The following SLC1A2 variants were observed in gnomAD, a reference collection of about 807,000 sequenced individuals.
SLC1A2 encodes the protein excitatory amino acid transporter 2.
SLC1A2 carries 15 observed loss-of-function variants against 48.8 expected under a neutral mutation model. The ratio of observed to expected loss-of-function variants is 0.31; its 90% CI spans 0.21 to 0.47. SLC1A2 has a LOEUF of 0.47. Ranked by LOEUF, SLC1A2 falls within the 20% of genes least tolerant of loss-of-function variation. SLC1A2 has a pLI of 0.99. For synonymous variants in SLC1A2, 279 were observed against 272.6 expected, an observed-to-expected ratio of 1.02 and a Z score of -0.23; for missense variants, 502 against 730.5, an observed-to-expected ratio of 0.69 and a Z score of 3.61.
intron 1 of SLC1A2, among the ~76,000 whole-genome samples, chr11:35,340,620 A>G (rs1477778394): frequency 6.6e-6 from 1 of 152,224 alleles, no homozygotes; most frequent in Non-Finnish European, 1.5e-5. Flanking sequence ...ACAAAGGAAA[A>G]AGATTGTAGC....
chr11:35,319,996 T>C (rs765496776), intron 1 of SLC1A2, among the ~76,000 whole-genome samples: 1 of 152,198 alleles, frequency 6.6e-6, no homozygotes, highest in Non-Finnish European at 1.5e-5. Flanking sequence ...AAGAACTCTT[T>C]GTAAAAATTC....
chr11:35,397,665 A>T lies in SLC1A2; in HGVS notation c.17+21285T>A, dbSNP rs577539581. 2.3e-4 allele frequency among the ~76,000 whole-genome samples: 35 copies of T among 152,202 alleles called. No homozygotes were observed. In the South Asian group the frequency reaches 7.3e-3, roughly 32 times the overall value. ...TGGTATTTGGAGGTGAGTTTTTGGG[A>T]GGTGATTAGGTCAGGCAGGTGGAGC... On this transcript the variant is annotated intron_variant, in intron 1 of 10. Transcript: ENST00000278379.
At chr11:35,332,178 C>A (rs1247230501) in intron 1 of SLC1A2, among the ~76,000 whole-genome samples, 1 of 152,174 alleles carries the variant, frequency 6.6e-6, no homozygotes, top group Non-Finnish European at 1.5e-5. Flanking sequence ...TTCTAATTAC[C>A]ACAAGTGATC....
chr11:35,286,788 C>A lies in SLC1A2; in HGVS notation c.1255G>T (p.Val419Phe). The part of the protein sequence containing the change: ...AIFIAQMNGV[V>F]LDGGQIVTVS... The stretch of plus-strand genomic sequence containing the variant: ...GTCACAATCTGTCCTCCATCCAGGA[C>A]AACACCATTCATTTGGGCTATAAAG... Residue 419 changes from valine to phenylalanine, a missense_variant, in exon 8 of 11, where the codon GTC becomes TTC. This residue lies in a region of SLC1A2 where 309 missense variants were observed against 480.3 expected (regional missense o/e 0.64). Transcript: ENST00000278379. 3 of 1,613,678 alleles carry A rather than the reference C, an allele frequency of 1.9e-6. No homozygotes were observed. The highest frequency in any genetic ancestry group is 1.7e-6 in the Non-Finnish European group (2 of 1,179,726).
rs1015470124 is a variant in SLC1A2, at chr11:35,292,186, G to A, written c.1091+101C>T. The A allele has an allele frequency of 9.7e-6, 8 of 820,918 alleles. No individual in the cohort carries two copies. In the African/African-American group the frequency reaches 1.2e-4, roughly 12 times the overall value. 50.9% of individuals were successfully genotyped at this position (820,918 alleles called of 1,614,324 possible). A position where few individuals can be genotyped will look rare whatever the true frequency, so the allele number is the denominator to read the frequency against. ...AAGATCTTAGTAATGTGTGCCAAGTGTTCTTATTGAACTTTGTGATGGGAG... is the reference window on the plus strand; with the variant it reads ...AAGATCTTAGTAATGTGTGCCAAGTATTCTTATTGAACTTTGTGATGGGAG... On this transcript the variant is annotated intron_variant, in intron 7 of 10. Coordinates refer to ENST00000278379, the MANE Select transcript of SLC1A2 (RefSeq NM_004171.4).
chr11:35,311,911 AGAGAGAGAGAG>A (rs1851710645), intron 4 of SLC1A2, among the ~76,000 whole-genome samples: 1 of 13,846 alleles, frequency 7.2e-5, no homozygotes, highest in Non-Finnish European at 1.6e-4. Flanking sequence ...AGAGAGAGAG[AGAGAGAGAGAG>A]GCGGGGGGGG....
chr11:35,273,955 A>T (rs1850363007), intron 9 of SLC1A2, among the ~76,000 whole-genome samples: 1 of 152,250 alleles, frequency 6.6e-6, no homozygotes, highest in South Asian at 2.1e-4. Flanking sequence ...GAGAGCTCAG[A>T]TTACTTTACA....
At chr11:35,374,358 G>A in intron 1 of SLC1A2, 1 of 856,818 alleles carries the variant, frequency 1.2e-6, no homozygotes, top group Non-Finnish European at 1.9e-6. Flanking sequence ...AAATAGCGAT[G>A]TGTTGTTGGA....
At chr11:35,357,691 A>G (rs1226954512) in intron 1 of SLC1A2, among the ~76,000 whole-genome samples, 1 of 152,216 alleles carries the variant, frequency 6.6e-6, no homozygotes, top group African/African-American at 2.4e-5. Context: ...ATATTCTCAT[A>G]TGGCAACCTA....
intron 1 of SLC1A2, among the ~76,000 whole-genome samples, chr11:35,408,582 A>G (rs932380791): frequency 4.6e-5 from 7 of 152,232 alleles, no homozygotes; most frequent in Admixed American, 3.3e-4. Context: ...TGTAAGTCCA[A>G]TTAAACCTCT....
At chr11:35,401,103 T>A (rs940111911) in intron 1 of SLC1A2, among the ~76,000 whole-genome samples, 2 of 152,020 alleles carry the variant, frequency 1.3e-5, no homozygotes, top group African/African-American at 2.4e-5. Flanking sequence ...TAGAAGGGAG[T>A]GTCTGGGTTA....
chr11:35,387,087 T>C (rs1854606245), intron 1 of SLC1A2, among the ~76,000 whole-genome samples: 2 of 152,306 alleles, frequency 1.3e-5, no homozygotes, highest in East Asian at 3.9e-4. Flanking sequence ...ATAGACCTTC[T>C]GACTTTCCCA....
chr11:35,265,685 A>G lies in SLC1A2; in HGVS notation c.1495T>C (p.Ser499Pro). ...GAGIVYHLSK[S>P]ELDTIDSQHR... ...TGGGAGTCAATGGTATCCAGCTCAG[A>G]CTTGGAGAGGTGATAGACTATCCCA... The change falls in exon 10 of 11, where the codon TCT (serine) becomes CCT (proline). Residue 499 changes from serine to proline, a missense_variant. Physicochemically the swap from Ser to Pro is moderately conservative, Grantham distance 74. Transcript: ENST00000278379. 6.2e-7 allele frequency: 1 copy of G among 1,614,102 alleles called. No homozygotes were observed. The highest frequency in any genetic ancestry group is 8.5e-7 in the Non-Finnish European group (1 of 1,179,932).
intron 1 of SLC1A2, among the ~76,000 whole-genome samples, chr11:35,395,624 C>A (rs531438680): frequency 6.6e-6 from 1 of 151,532 alleles, no homozygotes; most frequent in Non-Finnish European, 1.5e-5. Flanking sequence ...CAGTCTTAGA[C>A]GCTAGGTGGG....
chr11:35,418,262 C>T (rs1026068221), intron 1 of SLC1A2: 2 of 152,308 alleles, frequency 1.3e-5, no homozygotes, highest in Non-Finnish European at 2.9e-5. Context: ...AGGCAGGACA[C>T]GACTCCAGAT....
rs568285016 is a variant in SLC1A2, at chr11:35,279,844, A to C, written c.1421+1023T>G. Among the ~76,000 whole-genome samples, 6 of 152,292 alleles carry C rather than the reference A, an allele frequency of 3.9e-5. No individual in the cohort carries two copies. The South Asian group carries it at 1.0e-3, about 26-fold the overall frequency. On this transcript the variant is annotated intron_variant, in intron 9 of 10. Transcript: ENST00000278379. ...GTCTAGTAGCTGGAACCTAGTGAAC[A>C]CTCAAATTCAGTAACCACTTTCATG...
At chr11:35,276,551 C>A (rs1297841088) in intron 9 of SLC1A2, among the ~76,000 whole-genome samples, 1 of 152,194 alleles carries the variant, frequency 6.6e-6, no homozygotes, top group East Asian at 1.9e-4. Flanking sequence ...CATGTGAGCA[C>A]CTGCATGGGG....
intron 1 of SLC1A2, 46 bp from the exon 2 acceptor site, chr11:35,317,562 C>G (rs1398250928): frequency 6.3e-7 from 1 of 1,585,876 alleles, no homozygotes; most frequent in Non-Finnish European, 8.6e-7. Flanking sequence ...GGCACCTCCC[C>G]TATACAGTTT....
intron 8 of SLC1A2, among the ~76,000 whole-genome samples, chr11:35,285,115 C>T (rs553562978): frequency 6.6e-6 from 1 of 152,286 alleles, no homozygotes; most frequent in Non-Finnish European, 1.5e-5. Context: ...CCTTCTAATG[C>T]CCAATGGAAA....
Sources: gnomAD v4.1 joint callset for allele counts (sites outside exome capture counted in the v4.1 genomes callset) on GRCh38, gnomAD v4.1.1 for gene constraint, gnomAD v4.1.1 regional missense constraint, MANE v1.5 for transcripts, NCBI Gene and HGNC (gene_info 2026-07-23, HGNC 2026-07-21) for gene names.